PDE4D: variants seen among roughly 807,000 people sequenced by gnomAD.
PDE4D encodes phosphodiesterase 4D, also known as 3',5'-cyclic-AMP phosphodiesterase 4D.
In PDE4D, 24 loss-of-function variants were observed where a neutral mutation model predicts 87.4. That is an observed-to-expected ratio of 0.27 (90% CI 0.20 to 0.39). PDE4D has a LOEUF of 0.39. PDE4D is among the 10% of genes least tolerant of loss of function. The probability of loss-of-function intolerance (pLI) is 1.00; values close to 1 mark genes in which losing one functional copy is unlikely to be tolerated. For synonymous variants in PDE4D, 384 were observed against 383.2 expected (o/e 1.00, Z -0.02); for missense variants, 714 against 1,041.0 (o/e 0.69, Z 4.32).
intron 6 of PDE4D, among the ~76,000 whole-genome samples, chr5:59,001,672 A>C (rs1007474512): frequency 6.6e-6 from 1 of 152,172 alleles, no homozygotes; most frequent in Non-Finnish European, 1.5e-5. Context: ...CTAGGCCCAC[A>C]ATCTTCAATG....
chr5:60,373,476 A>G (rs925541165), intron 1 of PDE4D, among the ~76,000 whole-genome samples: 1 of 152,170 alleles, frequency 6.6e-6, no homozygotes, highest in Non-Finnish European at 1.5e-5. Context: ...ATTGAACTCA[A>G]TGATGACTTG....
At chr5:59,334,247 GTTTTTTTTTTTTT>G (rs564248041) in intron 1 of PDE4D, among the ~76,000 whole-genome samples, 2 of 98,610 alleles carry the variant, frequency 2.0e-5, no homozygotes, top group East Asian at 3.1e-4. Context: ...ATCCAGTGGA[GTTTTTTTTTTTTT>G]TTTTTTTTTT....
chr5:59,605,529 A>G lies in PDE4D; in HGVS notation c.455+287639T>C, dbSNP rs187266970. ...CTGCCAGACTTTCTCTAACATCTAA[A>G]AAGTGTAGAAAGCACCGTTATTATA... is the stretch of plus-strand genomic sequence containing the variant. On this transcript the variant is annotated intron_variant, in intron 1 of 14. Coordinates refer to ENST00000340635, the MANE Select transcript of PDE4D (RefSeq NM_001104631.2). 6.6e-4 allele frequency among the ~76,000 whole-genome samples: 101 copies of G among 152,190 alleles called. 1 individual carries two copies. Among genetic ancestry groups the G allele is most frequent in the Admixed American group, 3.1e-3 (47 of 15,266 alleles).
intron 1 of PDE4D, among the ~76,000 whole-genome samples, chr5:59,764,672 T>TG (rs1395630142): frequency 6.9e-6 from 1 of 145,762 alleles, no homozygotes; most frequent in Non-Finnish European, 1.5e-5. Flanking sequence ...TTTTTTTTTT[T>TG]GGTGACAGAG....
chr5:60,392,519 T>C (rs979002640), intron 1 of PDE4D, among the ~76,000 whole-genome samples: 1 of 152,172 alleles, frequency 6.6e-6, no homozygotes, highest in Admixed American at 6.5e-5. Context: ...GGAAGAAAAA[T>C]GTGCCTCATT....
intron 1 of PDE4D, among the ~76,000 whole-genome samples, chr5:59,556,146 C>T (rs191018905): frequency 3.2e-4 from 49 of 152,282 alleles, no homozygotes; most frequent in African/African-American, 1.1e-3. Context: ...GTCATTTCTT[C>T]ACTTTTCTGA....
chr5:59,501,035 A>G (rs1808207540), intron 1 of PDE4D, among the ~76,000 whole-genome samples: 1 of 152,072 alleles, frequency 6.6e-6, no homozygotes, highest in Admixed American at 6.6e-5. Context: ...TCACTTTTGA[A>G]TCTCTTATAC....
At chr5:59,145,314 T>C (rs1375249355) in intron 5 of PDE4D, among the ~76,000 whole-genome samples, 1 of 152,094 alleles carries the variant, frequency 6.6e-6, no homozygotes, top group African/African-American at 2.4e-5. Context: ...GGCTGGAAAA[T>C]GTGTGCTCTT....
intron 1 of PDE4D, among the ~76,000 whole-genome samples, chr5:59,622,021 G>T (rs1415885919): frequency 6.6e-6 from 1 of 152,016 alleles, no homozygotes; most frequent in African/African-American, 2.4e-5. Context: ...TACAAGTATT[G>T]CCTCTTTTTA....
intron 1 of PDE4D, among the ~76,000 whole-genome samples, chr5:59,695,962 T>C (rs1751720188): frequency 6.6e-6 from 1 of 152,216 alleles, no homozygotes; most frequent in Non-Finnish European, 1.5e-5. Flanking sequence ...TCAAAGTCAT[T>C]CAACTCGACA....
chr5:59,967,144 C>T lies in PDE4D; in HGVS notation c.272+21344G>A, dbSNP rs576838512. Among the ~76,000 whole-genome samples the T allele has an allele frequency of 9.2e-5, 14 of 152,218 alleles. No individual in the cohort carries two copies. In the East Asian group the frequency reaches 2.7e-3, roughly 29 times the overall value. The stretch of plus-strand genomic sequence containing the variant: ...AGGGTTACTTTGGCATAATCGGAGT[C>T]AGCTTATGTCACTCTCAGATAATTA... On this transcript the variant is annotated intron_variant, in intron 3 of 16. Coordinates refer to the PDE4D transcript ENST00000502484.
At chr5:60,108,544 G>A (rs1477887592) in intron 2 of PDE4D, among the ~76,000 whole-genome samples, 3 of 151,988 alleles carry the variant, frequency 2.0e-5, no homozygotes, top group Admixed American at 6.6e-5. Context: ...AAGAGCTCGC[G>A]TTGCCAAATG....
At chr5:59,461,539 T>G (rs2153646331) in intron 1 of PDE4D, among the ~76,000 whole-genome samples, 1 of 152,274 alleles carries the variant, frequency 6.6e-6, no homozygotes, top group Middle Eastern at 3.4e-3. Context: ...TAGGCCAAAA[T>G]GTTTTGACCT....
intron 1 of PDE4D, among the ~76,000 whole-genome samples, chr5:59,833,294 C>A (rs1286827149): frequency 6.6e-6 from 1 of 151,848 alleles, no homozygotes; most frequent in African/African-American, 2.4e-5. Flanking sequence ...TGAGTGACAG[C>A]ACAAGGAGGG....
intron 2 of PDE4D, among the ~76,000 whole-genome samples, chr5:60,133,988 A>C (rs1260499555): frequency 6.6e-6 from 1 of 152,212 alleles, no homozygotes; most frequent in Non-Finnish European, 1.5e-5. Context: ...CTTTGTTGCC[A>C]GTAAAAATCA....
At chr5:59,416,619 C>A (rs1013338279) in intron 1 of PDE4D, among the ~76,000 whole-genome samples, 1 of 152,142 alleles carries the variant, frequency 6.6e-6, no homozygotes, top group African/African-American at 2.4e-5. Flanking sequence ...GAAAAAGAAT[C>A]TAAAATTCTA....
At chr5:60,322,414 A>T (rs1174355977) in intron 1 of PDE4D, among the ~76,000 whole-genome samples, 2 of 140,964 alleles carry the variant, frequency 1.4e-5, no homozygotes, top group Non-Finnish European at 3.1e-5. Context: ...ACACACACAC[A>T]CAAAACCCTA....
chr5:59,871,405 T>C lies in PDE4D; in HGVS notation c.455+21763A>G, dbSNP rs113424113. Among the ~76,000 whole-genome samples the C allele has an allele frequency of 8.7e-3, 1,318 of 152,294 alleles. 12 individuals carry two copies. Among genetic ancestry groups the C allele is most frequent in the Non-Finnish European group, 0.013 (894 of 68,016 alleles). ...GGCCAACACCTTTCTTAAAGCCTTT[T>C]GAGACCCTGAACAGAAAACCCAGCT... On this transcript the variant is annotated intron_variant, in intron 1 of 14. Transcript: ENST00000340635.
intron 1 of PDE4D, among the ~76,000 whole-genome samples, chr5:59,540,048 A>T (rs1583040417): frequency 6.6e-6 from 1 of 152,228 alleles, no homozygotes; most frequent in East Asian, 1.9e-4. Flanking sequence ...CCTTCCACCT[A>T]GAGTTTCTGA....
Sources: gnomAD v4.1 joint callset for allele counts (sites outside exome capture counted in the v4.1 genomes callset) on GRCh38, gnomAD v4.1.1 for gene constraint, MANE v1.5 for transcripts, NCBI Gene and HGNC (gene_info 2026-07-23, HGNC 2026-07-21) for gene names.